TP63: variants seen among roughly 807,000 people sequenced by gnomAD.
The protein encoded by TP63 is tumor protein 63.
TP63 carries 17 observed loss-of-function variants against 82.8 expected under a neutral mutation model. The ratio of observed to expected loss-of-function variants is 0.21; its 90% CI spans 0.14 to 0.31. TP63 has a LOEUF of 0.31. Ranked by LOEUF, TP63 falls within the 10% of genes least tolerant of loss-of-function variation. The pLI is 1.00. For synonymous variants in TP63, 330 were observed against 321.7 expected (o/e 1.03, Z -0.28); for missense variants, 648 against 895.3 (o/e 0.72, Z 3.52).
chr3:189,767,138 T>C (rs757788940), intron 3 of TP63, among the ~76,000 whole-genome samples: 2 of 152,190 alleles, frequency 1.3e-5, no homozygotes, highest in Non-Finnish European at 2.9e-5. Flanking sequence ...TCTTCGTCTA[T>C]GGTGAAAAAT....
At chr3:189,877,132 A>G (rs1719324094) in intron 10 of TP63, among the ~76,000 whole-genome samples, 1 of 152,228 alleles carries the variant, frequency 6.6e-6, no homozygotes, top group African/African-American at 2.4e-5. Context: ...TATCGAAGAT[A>G]GACTTTACAG....
At chr3:189,802,462 G>A (rs367847216) in intron 3 of TP63, among the ~76,000 whole-genome samples, 3 of 152,130 alleles carry the variant, frequency 2.0e-5, no homozygotes, top group African/African-American at 4.8e-5. Flanking sequence ...TTGTTTTAAC[G>A]TAGCTTCACA....
chr3:189,691,856 A>G (rs1716960250), intron 1 of TP63, among the ~76,000 whole-genome samples: 1 of 152,200 alleles, frequency 6.6e-6, no homozygotes, highest in South Asian at 2.1e-4. Context: ...TAAGTGACTA[A>G]TAGAAACATA....
intron 10 of TP63, among the ~76,000 whole-genome samples, chr3:189,875,793 GA>G (rs1278704909): frequency 6.8e-6 from 1 of 146,342 alleles, no homozygotes; most frequent in Non-Finnish European, 1.5e-5. Context: ...AAGATTTTAG[GA>G]AATCCTAAAG....
chr3:189,762,440 G>A (rs1447211950), intron 3 of TP63, among the ~76,000 whole-genome samples: 2 of 152,068 alleles, frequency 1.3e-5, no homozygotes, highest in African/African-American at 4.8e-5. Context: ...TTAGTCCTCA[G>A]GCCCAAAGGT....
chr3:189,740,063 CAGA>C (rs1720871702), intron 3 of TP63, among the ~76,000 whole-genome samples: 1 of 152,082 alleles, frequency 6.6e-6, no homozygotes, highest in East Asian at 1.9e-4. Flanking sequence ...GAAACAAAAA[CAGA>C]AAGTTATAAC....
At position 189,842,931 on chromosome 3, in the gene TP63, GT is replaced by G. The variant is rs1714343423; in HGVS notation, c.580-21300del. Reference sequence around the variant, plus strand: ...TACTGGTCAGGTGGGGTTGACAGAGGTGGCCCTGGCAGGAGACACTAAATGA... The same window carrying G: ...TACTGGTCAGGTGGGGTTGACAGAGGGGCCCTGGCAGGAGACACTAAATGA... On this transcript the variant is annotated intron_variant, in intron 4 of 13. Coordinates refer to ENST00000264731, the MANE Select transcript of TP63 (RefSeq NM_003722.5). Among the ~76,000 whole-genome samples the G allele has an allele frequency of 1.3e-5, 2 of 152,208 alleles. 1 individual carries two copies. Among genetic ancestry groups the G allele is most frequent in the South Asian group, 4.1e-4 (2 of 4,830 alleles).
At chr3:189,792,206 G>C (rs1725210421) in intron 3 of TP63, among the ~76,000 whole-genome samples, 2 of 151,904 alleles carry the variant, frequency 1.3e-5, no homozygotes, top group South Asian at 4.1e-4. Context: ...ACAGGAAATG[G>C]TCCGGAAGGG....
intron 1 of TP63, among the ~76,000 whole-genome samples, chr3:189,706,824 C>T (rs1718237505): frequency 6.6e-6 from 1 of 152,162 alleles, no homozygotes; most frequent in African/African-American, 2.4e-5. Context: ...TTGCCTAAGG[C>T]AATAGTAGTT....
At chr3:189,848,239 T>TCTCTCTC (rs372147574) in intron 4 of TP63, among the ~76,000 whole-genome samples, 9 of 95,982 alleles carry the variant, frequency 9.4e-5, no homozygotes, top group African/African-American at 3.0e-4. Context: ...CTCCTCCTCC[T>TCTCTCTC]TCTCTCTCTC....
At chr3:189,868,068 T>A (rs1365853224) in intron 7 of TP63, 126 bp downstream of exon 7, 1 of 800,112 alleles carries the variant, frequency 1.2e-6, no homozygotes, top group Non-Finnish European at 2.1e-6. Context: ...GTGCTCTAAA[T>A]CCTTGCTACA....
chr3:189,619,323 G>A, the TP63 span, among the ~76,000 whole-genome samples: 7 of 152,192 alleles, frequency 4.6e-5, no homozygotes, highest in African/African-American at 1.7e-4. Context: ...CTCTTACTAG[G>A]AAAGGGTGGT....
rs1262476312 is a variant in TP63, at chr3:189,773,883, GAGAACACATATCC to G, written c.325-34387_325-34375del. On this transcript the variant is annotated intron_variant, in intron 3 of 13. Coordinates refer to ENST00000264731, the MANE Select transcript of TP63 (RefSeq NM_003722.5). ...GGCTTATAGTTCCCTTAGGAGGTAA[GAGAACACATATCC>G]ATGTATTGTGTCTCGTGCCTTTTTT... Among the ~76,000 whole-genome samples, 15 of 145,812 alleles carry G rather than the reference GAGAACACATATCC, an allele frequency of 1.0e-4. No homozygotes were observed. The South Asian group carries it at 3.4e-3, about 33-fold the overall frequency.
At chr3:189,658,103 A>G (rs1217254163) in intron 1 of TP63, among the ~76,000 whole-genome samples, 1 of 152,122 alleles carries the variant, frequency 6.6e-6, no homozygotes, top group African/African-American at 2.4e-5. Context: ...AACAGAAACA[A>G]TCCACAAAAC....
At chr3:189,740,217 G>A (rs1302273432) in intron 3 of TP63, among the ~76,000 whole-genome samples, 2 of 152,122 alleles carry the variant, frequency 1.3e-5, no homozygotes, top group Non-Finnish European at 2.9e-5. Flanking sequence ...CCAAGGGGCA[G>A]GTCATTCAAG....
At chr3:189,873,181 C>A (rs1346874944) in intron 10 of TP63, 186 bp downstream of exon 10, 3 of 771,188 alleles carry the variant, frequency 3.9e-6, no homozygotes, top group Non-Finnish European at 6.5e-6. Context: ...TTATAACCTT[C>A]CCTTCAGAAT....
At chr3:189,782,704 C>G (rs1409390787) in intron 3 of TP63, among the ~76,000 whole-genome samples, 1 of 152,088 alleles carries the variant, frequency 6.6e-6, no homozygotes, top group African/African-American at 2.4e-5. Context: ...CTAAACACAT[C>G]ACTATTCAAA....
At chr3:189,601,281 T>C in the TP63 span, among the ~76,000 whole-genome samples, 1 of 152,154 alleles carries the variant, frequency 6.6e-6, no homozygotes, top group African/African-American at 2.4e-5. Flanking sequence ...TTAACACCCA[T>C]GAAAAATGAG....
chr3:189,621,750 A>T, the TP63 span, among the ~76,000 whole-genome samples: 6 of 152,158 alleles, frequency 3.9e-5, no homozygotes, highest in Admixed American at 3.9e-4. Flanking sequence ...TGCAATTATT[A>T]TAACAATACT....
Sources: allele counts gnomAD v4.1 joint callset (sites outside exome capture counted in the v4.1 genomes callset), GRCh38; gene constraint gnomAD v4.1.1; transcripts MANE v1.5; gene names NCBI Gene and HGNC (gene_info 2026-07-23, HGNC 2026-07-21).